The following NRXN3 variants were observed in gnomAD, a reference collection of about 807,000 sequenced individuals.
NRXN3 encodes neurexin III.
Under a neutral mutation model 137.6 loss-of-function variants are expected in NRXN3, and 32 were observed. The observed-to-expected ratio is 0.23, with a 90% CI of 0.18 to 0.31. The LOEUF (loss-of-function observed/expected upper bound fraction) is 0.31. NRXN3 is among the 10% of genes least tolerant of loss of function. The pLI is 1.00. For synonymous variants in NRXN3, 798 were observed against 784.5 expected (o/e 1.02, Z -0.29); for missense variants, 1,574 against 2,062.5 (o/e 0.76, Z 4.59).
chr14:79,568,973 A>C (rs564933310), intron 16 of NRXN3, among the ~76,000 whole-genome samples: 15 of 152,150 alleles, frequency 9.9e-5, no homozygotes, highest in Non-Finnish European at 1.9e-4. Flanking sequence ...CCCTGAGACT[A>C]TAATTGCTAT....
At chr14:78,252,276 G>A (rs981728738) in intron 2 of NRXN3, among the ~76,000 whole-genome samples, 13 of 151,506 alleles carry the variant, frequency 8.6e-5, no homozygotes, top group Non-Finnish European at 2.9e-5. Context: ...TTTGCATCTA[G>A]TCCTAGAAAT....
chr14:79,382,972 G>A (rs1267243021), intron 15 of NRXN3, among the ~76,000 whole-genome samples: 1 of 151,622 alleles, frequency 6.6e-6, no homozygotes, highest in East Asian at 1.9e-4. Context: ...TATGACAGAG[G>A]GGAGAGATGA....
chr14:78,974,071 A>G (rs2099454687), intron 14 of NRXN3, among the ~76,000 whole-genome samples: 2 of 152,040 alleles, frequency 1.3e-5, no homozygotes, highest in Non-Finnish European at 2.9e-5. Flanking sequence ...AAATTAAATA[A>G]AAGAATATAC....
At chr14:79,094,969 A>T (rs1205482190) in intron 15 of NRXN3, among the ~76,000 whole-genome samples, 7 of 99,336 alleles carry the variant, frequency 7.0e-5, no homozygotes, top group African/African-American at 2.4e-4. Context: ...AGAGAGAGAG[A>T]GAGAGAGAGA....
intron 15 of NRXN3, among the ~76,000 whole-genome samples, chr14:79,007,302 C>G (rs1417164730): frequency 6.6e-6 from 1 of 152,088 alleles, no homozygotes; most frequent in East Asian, 1.9e-4. Flanking sequence ...AAACACGTAG[C>G]TCCACTTCGC....
At chr14:78,308,457 A>C (rs78754207) in intron 4 of NRXN3, among the ~76,000 whole-genome samples, 7,169 of 152,172 alleles carry the variant, frequency 0.047, 520 homozygotes, top group African/African-American at 0.16. Flanking sequence ...AACCCTGCAA[A>C]GCCTGCTTTT....
intron 8 of NRXN3, among the ~76,000 whole-genome samples, chr14:78,733,517 A>G (rs961905019): frequency 1.3e-5 from 2 of 152,210 alleles, no homozygotes; most frequent in African/African-American, 4.8e-5. Flanking sequence ...AGTGAGTGCT[A>G]GAAAAGCCAA....
chr14:79,567,301 C>T (rs1310429133), intron 16 of NRXN3, among the ~76,000 whole-genome samples: 1 of 151,722 alleles, frequency 6.6e-6, no homozygotes, highest in Non-Finnish European at 1.5e-5. Context: ...TGAAAAATAA[C>T]GTATTTTGTA....
intron 15 of NRXN3, among the ~76,000 whole-genome samples, chr14:79,254,645 A>T (rs750214473): frequency 6.6e-6 from 1 of 152,182 alleles, no homozygotes; most frequent in Non-Finnish European, 1.5e-5. Flanking sequence ...GGCAAAGTTC[A>T]TTATTGTGCT....
intron 4 of NRXN3, among the ~76,000 whole-genome samples, chr14:78,523,511 G>A (rs2096316414): frequency 6.6e-6 from 1 of 151,998 alleles, no homozygotes; most frequent in Non-Finnish European, 1.5e-5. Context: ...GAATACAAGA[G>A]AGTGTAGGCC....
chr14:79,123,588 C>T (rs1274832151), intron 15 of NRXN3, among the ~76,000 whole-genome samples: 1 of 152,108 alleles, frequency 6.6e-6, no homozygotes, highest in South Asian at 2.1e-4. Context: ...AAGAAACTGT[C>T]CCCTCTCAAG....
chr14:79,767,912 C>T (rs1434256373), intron 19 of NRXN3, among the ~76,000 whole-genome samples: 1 of 152,216 alleles, frequency 6.6e-6, no homozygotes, highest in Non-Finnish European at 1.5e-5. Flanking sequence ...TCACTGGGTG[C>T]ATGCACCGTG....
chr14:78,591,557 A>G (rs2097116720), intron 4 of NRXN3, among the ~76,000 whole-genome samples: 1 of 152,164 alleles, frequency 6.6e-6, no homozygotes, highest in Non-Finnish European at 1.5e-5. Context: ...AGGGAAATGA[A>G]CTAGAAAGAC....
At chr14:79,306,084 TAA>T (rs2086008901) in intron 15 of NRXN3, among the ~76,000 whole-genome samples, 1 of 152,142 alleles carries the variant, frequency 6.6e-6, no homozygotes, top group Non-Finnish European at 1.5e-5. Context: ...GTGTTGACCG[TAA>T]GTTCTTCTCT....
At chr14:78,916,230 A>G (rs1463067693) in intron 10 of NRXN3, among the ~76,000 whole-genome samples, 1 of 152,216 alleles carries the variant, frequency 6.6e-6, no homozygotes, top group Non-Finnish European at 1.5e-5. Flanking sequence ...GGGAAACCCA[A>G]ACATATGGTC....
At chr14:79,153,505 T>A (rs2059984608) in intron 15 of NRXN3, among the ~76,000 whole-genome samples, 1 of 151,926 alleles carries the variant, frequency 6.6e-6, no homozygotes, top group Non-Finnish European at 1.5e-5. Context: ...AATAAATGCT[T>A]AATATGTCAG....
At chr14:79,508,248 A>G (rs760396318) in intron 16 of NRXN3, among the ~76,000 whole-genome samples, 1 of 152,050 alleles carries the variant, frequency 6.6e-6, no homozygotes, top group African/African-American at 2.4e-5. Flanking sequence ...TGCCTAATGT[A>G]TCTTCAGTAA....
At chr14:79,543,710 A>G (rs902328648) in intron 16 of NRXN3, among the ~76,000 whole-genome samples, 12 of 152,340 alleles carry the variant, frequency 7.9e-5, no homozygotes, top group African/African-American at 1.9e-4. Flanking sequence ...CAGGGACCAG[A>G]CAGGTAATAT....
intron 15 of NRXN3, among the ~76,000 whole-genome samples, chr14:79,153,704 C>G (rs1008782000): frequency 6.6e-6 from 1 of 151,882 alleles, no homozygotes; most frequent in Non-Finnish European, 1.5e-5. Context: ...TCTTTTTTCT[C>G]TTCATGAGGA....
Sources: gnomAD v4.1 joint callset for allele counts (sites outside exome capture counted in the v4.1 genomes callset) on GRCh38, gnomAD v4.1.1 for gene constraint, MANE v1.5 for transcripts, NCBI Gene and HGNC (gene_info 2026-07-23, HGNC 2026-07-21) for gene names.